DNAJC8: variants seen among roughly 807,000 people sequenced by gnomAD.
DNAJC8 encodes the protein dnaJ homolog subfamily C member 8.
A neutral mutation model predicts 43.2 loss-of-function variants in DNAJC8; 24 were observed. The observed-to-expected ratio is 0.56, with a 90% confidence interval of 0.40 to 0.78. The LOEUF is 0.78. Among genes scored for constraint, DNAJC8 ranks in the 30% least tolerant of loss-of-function variants. The pLI is 0.00. For synonymous variants in DNAJC8, 83 were observed against 98.0 expected (o/e 0.85, Z 0.90); for missense variants, 207 against 299.4 (o/e 0.69, Z 2.28).
intron 8 of DNAJC8, among the ~76,000 whole-genome samples, chr1:28,201,789 CAA>C (rs113275288): frequency 2.2e-4 from 25 of 111,320 alleles, no homozygotes; most frequent in Admixed American, 4.0e-4. Context: ...GACTTTGTAT[CAA>C]AAAAAAAAAA....
chr1:28,211,820 T>C (rs2149017109), intron 3 of DNAJC8, among the ~76,000 whole-genome samples: 1 of 152,166 alleles, frequency 6.6e-6, no homozygotes, highest in Middle Eastern at 3.4e-3. Flanking sequence ...CATGGTTTAT[T>C]GCAATTTACA....
chr1:28,203,555 G>T (rs1171963312), intron 8 of DNAJC8, among the ~76,000 whole-genome samples, 192 bp downstream of exon 8: 1 of 152,102 alleles, frequency 6.6e-6, no homozygotes, highest in East Asian at 1.9e-4. Context: ...GCCATTCAGG[G>T]ATCCTCATCG....
In DNAJC8 at chr1:28,232,957, G is replaced by A. The variant is rs764436390; in HGVS notation, c.42C>T (p.Gly14=). 2.5e-6 allele frequency: 4 copies of A among 1,613,034 alleles called. No homozygotes were observed. The highest frequency in any genetic ancestry group is 1.3e-5 in the African/African-American group (1 of 74,894). Residue 14 remains glycine, a synonymous_variant, in exon 1 of 9, where the codon GGC becomes GGT. Coordinates refer to ENST00000263697, the MANE Select transcript of DNAJC8 (RefSeq NM_014280.3). The part of the protein sequence containing the change: ...SGESGTSGGG[G]STEEAFMTFY... Reference sequence around the variant, plus strand: ...AGGTCATAAATGCTTCCTCGGTGCTGCCTCCGCCGCCTGAAGTCCCGCTCT... The same window carrying A: ...AGGTCATAAATGCTTCCTCGGTGCTACCTCCGCCGCCTGAAGTCCCGCTCT...
intron 2 of DNAJC8, among the ~76,000 whole-genome samples, chr1:28,220,160 C>A (rs1438044262): frequency 6.6e-6 from 1 of 152,218 alleles, no homozygotes; most frequent in African/African-American, 2.4e-5. Flanking sequence ...CATACACATA[C>A]AAACACACAC....
chr1:28,207,584 C>T (rs919177069), intron 6 of DNAJC8, among the ~76,000 whole-genome samples: 5 of 150,510 alleles, frequency 3.3e-5, no homozygotes, highest in Non-Finnish European at 7.4e-5. Flanking sequence ...GTTGGGATTA[C>T]AGGCACGTGC....
At position 28,216,209 on chromosome 1, in the gene DNAJC8, G is replaced by A. The variant is rs554598373; in HGVS notation, c.181-1213C>T. 1.8e-3 allele frequency among the ~76,000 whole-genome samples: 281 copies of A among 152,190 alleles called. 1 individual carries two copies. The highest frequency in any genetic ancestry group is 6.6e-3 in the African/African-American group (273 of 41,518). On this transcript the variant is annotated intron_variant, in intron 2 of 8. Coordinates refer to ENST00000263697, the MANE Select transcript of DNAJC8 (RefSeq NM_014280.3). The stretch of plus-strand genomic sequence containing the variant: ...ACTAAAAATACAATATTAGCCAGGC[G>A]TAGTGGCGCATGAAAATGAGAATTT...
At chr1:28,205,413 G>A in intron 6 of DNAJC8, 64 bp from the exon 7 acceptor site, 1 of 1,286,990 alleles carries the variant, frequency 7.8e-7, no homozygotes, top group South Asian at 1.2e-5. Context: ...CTTGAACCAT[G>A]TACTTTCACC....
intron 2 of DNAJC8, among the ~76,000 whole-genome samples, chr1:28,228,171 A>T (rs1045117619): frequency 2.6e-5 from 4 of 151,966 alleles, no homozygotes; most frequent in Non-Finnish European, 5.9e-5. Flanking sequence ...CAACATGGTG[A>T]AACCCCATCT....
chr1:28,227,754 GAAA>G (rs962217845), intron 2 of DNAJC8, among the ~76,000 whole-genome samples: 5 of 151,808 alleles, frequency 3.3e-5, no homozygotes, highest in Non-Finnish European at 5.9e-5. Context: ...CTTTAAAAAA[GAAA>G]AAGAAGAAGA....
intron 7 of DNAJC8, among the ~76,000 whole-genome samples, chr1:28,204,936 C>G (rs1646759061): frequency 6.6e-6 from 1 of 152,066 alleles, no homozygotes; most frequent in Non-Finnish European, 1.5e-5. Flanking sequence ...GGCAGGGGAA[C>G]TGCTAGAACC....
At chr1:28,205,538 C>T (rs955072412) in intron 6 of DNAJC8, among the ~76,000 whole-genome samples, 189 bp from the exon 7 acceptor site, 1 of 152,172 alleles carries the variant, frequency 6.6e-6, no homozygotes, top group African/African-American at 2.4e-5. Flanking sequence ...AGGCTAAGAG[C>T]TTGACTGCCC....
At chr1:28,212,099 T>C (rs1428598635) in intron 3 of DNAJC8, among the ~76,000 whole-genome samples, 1 of 144,910 alleles carries the variant, frequency 6.9e-6, no homozygotes, top group Non-Finnish European at 1.5e-5. Context: ...GAGGCTGCCG[T>C]GAGCCAAGAT....
intron 2 of DNAJC8, among the ~76,000 whole-genome samples, chr1:28,222,284 G>A (rs1359948152): frequency 3.3e-5 from 5 of 151,776 alleles, no homozygotes; most frequent in African/African-American, 7.3e-5. Context: ...TCAGGCGTTC[G>A]AGACCAGCCT....
In DNAJC8 at chr1:28,212,170, T is replaced by TAAAAAAAAAA. The variant is rs1314233756; in HGVS notation, c.238-1534_238-1533insTTTTTTTTTT. ...GACTCCGTCTCAATAAATAAATAAA[T>TAAAAAAAAAA]ATATATATATATATATATATATATA... On this transcript the variant is annotated intron_variant, in intron 3 of 8. Coordinates refer to ENST00000263697, the MANE Select transcript of DNAJC8 (RefSeq NM_014280.3). Among the ~76,000 whole-genome samples, 4 of 23,726 alleles carry TAAAAAAAAAA rather than the reference T, an allele frequency of 1.7e-4. 1 individual carries two copies. The highest frequency in any genetic ancestry group is 5.1e-4 in the African/African-American group (3 of 5,852). The allele number at this position is 23,726 out of a possible 152,430, so 15.6% of individuals were successfully genotyped here. A position where few individuals can be genotyped will look rare whatever the true frequency, so the allele number is the denominator to read the frequency against.
intron 1 of DNAJC8, among the ~76,000 whole-genome samples, chr1:28,230,790 A>C (rs1301326465): frequency 6.6e-6 from 1 of 152,220 alleles, no homozygotes. Flanking sequence ...CTGAGACTAC[A>C]GGCAGTGCCT....
intron 8 of DNAJC8, among the ~76,000 whole-genome samples, chr1:28,202,252 G>A (rs1407382333): frequency 6.6e-6 from 1 of 152,140 alleles, no homozygotes; most frequent in Non-Finnish European, 1.5e-5. Context: ...CTCGAGGCTA[G>A]ACGTTTAACA....
chr1:28,208,128 C>T (rs1646782755), intron 6 of DNAJC8, among the ~76,000 whole-genome samples: 1 of 152,150 alleles, frequency 6.6e-6, no homozygotes, highest in South Asian at 2.1e-4. Flanking sequence ...ATCGTTTGAA[C>T]CCAGGAGGCA....
chr1:28,215,675 T>A (rs1646847659), intron 2 of DNAJC8, among the ~76,000 whole-genome samples: 1 of 151,360 alleles, frequency 6.6e-6, no homozygotes, highest in Non-Finnish European at 1.5e-5. Context: ...GTAGCTGGGA[T>A]TACAGGCACG....
At chr1:28,201,905 T>C (rs960620362) in intron 8 of DNAJC8, among the ~76,000 whole-genome samples, 1 of 150,930 alleles carries the variant, frequency 6.6e-6, no homozygotes, top group Non-Finnish European at 1.5e-5. Flanking sequence ...CTGACCAATA[T>C]GGAGAAACCC....
Sources: allele counts gnomAD v4.1 joint callset (sites outside exome capture counted in the v4.1 genomes callset), GRCh38; gene constraint gnomAD v4.1.1; transcripts MANE v1.5; gene names NCBI Gene and HGNC (gene_info 2026-07-23, HGNC 2026-07-21).